IGSF23: variants seen among roughly 807,000 people sequenced by gnomAD.
IGSF23 encodes the protein immunoglobulin superfamily member 23.
A neutral mutation model predicts 17.8 loss-of-function variants in IGSF23; 14 were observed. That is an observed-to-expected ratio of 0.79 (90% CI 0.52 to 1.23). IGSF23 has a LOEUF of 1.23. IGSF23 is among the 50% of genes most tolerant of loss of function. The pLI is 0.00. For missense variants in IGSF23, 214 were observed against 241.7 expected (o/e 0.89, Z 0.76); for synonymous variants, 85 against 92.5 (o/e 0.92, Z 0.46).
chr19:44,622,821 C>A (rs964857659), intron 1 of IGSF23, among the ~76,000 whole-genome samples: 3 of 152,260 alleles, frequency 2.0e-5, no homozygotes, highest in Middle Eastern at 3.4e-3. Flanking sequence ...GGGCCTTTTA[C>A]TTGGTGTTCC....
At chr19:44,631,928 C>T (rs1023472755) in intron 3 of IGSF23, among the ~76,000 whole-genome samples, 2 of 152,148 alleles carry the variant, frequency 1.3e-5, no homozygotes, top group Non-Finnish European at 2.9e-5. Flanking sequence ...GTCACAGTGC[C>T]ACAGAGATAT....
At chr19:44,631,838 T>A (rs1972773445) in intron 3 of IGSF23, among the ~76,000 whole-genome samples, 1 of 152,262 alleles carries the variant, frequency 6.6e-6, no homozygotes. Flanking sequence ...TTTTCCGCCC[T>A]GGGTGGGCAA....
intron 3 of IGSF23, among the ~76,000 whole-genome samples, chr19:44,633,782 A>G (rs1264195380): frequency 6.6e-6 from 1 of 152,178 alleles, no homozygotes; most frequent in Non-Finnish European, 1.5e-5. Flanking sequence ...GATTTACCCA[A>G]TAAGCTGCTT....
chr19:44,617,396 A>G (rs1386248040), intron 1 of IGSF23, among the ~76,000 whole-genome samples: 1 of 152,098 alleles, frequency 6.6e-6, no homozygotes, highest in East Asian at 1.9e-4. Flanking sequence ...TGAGTAAATT[A>G]TTGGCTAAGA....
At chr19:44,624,803 T>C (rs1599737195) in intron 2 of IGSF23, among the ~76,000 whole-genome samples, 1 of 149,600 alleles carries the variant, frequency 6.7e-6, no homozygotes, top group Non-Finnish European at 1.5e-5. Flanking sequence ...GGCTCACACC[T>C]GTAACCCCAG....
chr19:44,618,105 G>A (rs1397916434), intron 1 of IGSF23: 1 of 471,040 alleles, frequency 2.1e-6, no homozygotes, highest in Admixed American at 2.3e-5. Context: ...CACCTGCTCT[G>A]CCTTCTCAGA....
intron 2 of IGSF23, 60 bp from the exon 3 acceptor site, chr19:44,627,360 G>C: frequency 1.4e-6 from 2 of 1,426,488 alleles, no homozygotes; most frequent in South Asian, 2.9e-5. Flanking sequence ...GCAGGAGGGA[G>C]GGGTGCACAG....
At chr19:44,619,238 C>A (rs1972457241) in intron 1 of IGSF23, among the ~76,000 whole-genome samples, 1 of 152,170 alleles carries the variant, frequency 6.6e-6, no homozygotes, top group Non-Finnish European at 1.5e-5. Flanking sequence ...ATAAGGGATC[C>A]GCCCCTGTGG....
At chr19:44,620,909 A>G (rs556131785) in intron 1 of IGSF23, 1 of 152,184 alleles carries the variant, frequency 6.6e-6, no homozygotes, top group Non-Finnish European at 1.5e-5. Context: ...AGTGGAACCT[A>G]CCTCATAGGG....
At chr19:44,613,793 C>T (rs1225684193) in intron 1 of IGSF23, 23 bp downstream of exon 1, 5 of 1,549,732 alleles carry the variant, frequency 3.2e-6, no homozygotes, top group Non-Finnish European at 4.4e-6. Context: ...GGGAAGTGGC[C>T]AGGGTAGGGC....
At chr19:44,635,350 C>G in intron 3 of IGSF23, 51 bp from the exon 4 acceptor site, 4 of 125,458 alleles carry the variant, frequency 3.2e-5, no homozygotes, top group Non-Finnish European at 5.0e-5. Flanking sequence ...GATTCTTATT[C>G]TCTCTCTCTC....
chr19:44,626,404 G>C (rs1245230793), intron 2 of IGSF23, among the ~76,000 whole-genome samples: 1 of 152,204 alleles, frequency 6.6e-6, no homozygotes, highest in Non-Finnish European at 1.5e-5. Context: ...AGCACTTGCT[G>C]TGTGGCCAGC....
chr19:44,623,160 C>T (rs74390626), intron 1 of IGSF23, among the ~76,000 whole-genome samples: 1,876 of 152,144 alleles, frequency 0.012, 18 homozygotes, highest in Non-Finnish European at 0.021. Flanking sequence ...GATCCAGAGG[C>T]GAGGATTCAA....
At chr19:44,619,371 C>T (rs571263241) in intron 1 of IGSF23, among the ~76,000 whole-genome samples, 3 of 152,260 alleles carry the variant, frequency 2.0e-5, no homozygotes, top group Admixed American at 1.3e-4. Flanking sequence ...TCATGAGATA[C>T]GCATTCATCA....
intron 1 of IGSF23, among the ~76,000 whole-genome samples, chr19:44,622,401 TGGAAGTTCCCAGCACAGTCTGG>T (rs1972542480): frequency 6.6e-6 from 1 of 152,144 alleles, no homozygotes; most frequent in Non-Finnish European, 1.5e-5. Context: ...CAGCTCTAAG[TGGAAGTTCCCAGCACAGTCTGG>T]GAGTTCAAAT....
At chr19:44,633,879 G>C (rs182464241) in intron 3 of IGSF23, among the ~76,000 whole-genome samples, 7 of 152,278 alleles carry the variant, frequency 4.6e-5, no homozygotes, top group African/African-American at 1.7e-4. Context: ...CAGGAGCTGT[G>C]CTGTGCGCTC....
At position 44,627,559 on chromosome 19, in the gene IGSF23, C is replaced by T; in HGVS notation, c.531C>T (p.Ile177=). Reference sequence around the variant, plus strand: ...TGATTGCAGGCATGTGTTTCATCATCATCCAGAGCCTAAGGTACCTCTATC... The same window carrying T: ...TGATTGCAGGCATGTGTTTCATCATTATCCAGAGCCTAAGGTACCTCTATC... ...GALIAGMCFI[I]IQSLRTDRQR... is the part of the protein sequence containing the mutation. The change falls in exon 3 of 5, where the codon ATC becomes ATT. Residue 177 remains isoleucine (I), a synonymous_variant. Coordinates refer to ENST00000402988, the MANE Select transcript of IGSF23 (RefSeq NM_001205280.2). The T allele has an allele frequency of 1.9e-6, 3 of 1,550,288 alleles. No individual in the cohort carries two copies. Among genetic ancestry groups the T allele is most frequent in the Non-Finnish European group, 2.6e-6 (3 of 1,146,806 alleles).
intron 4 of IGSF23, among the ~76,000 whole-genome samples, chr19:44,635,728 A>G (rs1406964868): frequency 1.3e-5 from 2 of 152,228 alleles, no homozygotes; most frequent in East Asian, 3.8e-4. Context: ...TCCATGCAAA[A>G]GAAACTCACT....
chr19:44,618,838 A>G (rs997492349), intron 1 of IGSF23, among the ~76,000 whole-genome samples: 1 of 152,218 alleles, frequency 6.6e-6, no homozygotes, highest in Non-Finnish European at 1.5e-5. Flanking sequence ...AGCAAGTCAC[A>G]TGGCCAGCCC....
Sources: allele counts gnomAD v4.1 joint callset (sites outside exome capture counted in the v4.1 genomes callset), GRCh38; gene constraint gnomAD v4.1.1; transcripts MANE v1.5; gene names NCBI Gene and HGNC (gene_info 2026-07-23, HGNC 2026-07-21).